The following HACE1 variants were observed in gnomAD, a reference collection of about 807,000 sequenced individuals.
HACE1 encodes E3 ubiquitin-protein ligase HACE1.
In HACE1, 73 loss-of-function variants were observed where a neutral mutation model predicts 118.4. The observed-to-expected ratio is 0.62, with a 90% CI of 0.51 to 0.75. The LOEUF (loss-of-function observed/expected upper bound fraction) is 0.75. HACE1 is among the 30% of genes least tolerant of loss of function. The probability of loss-of-function intolerance (pLI) is 0.00; values close to 1 mark genes in which losing one functional copy is unlikely to be tolerated. For synonymous variants in HACE1, 368 were observed against 374.8 expected (o/e 0.98, Z 0.21); for missense variants, 749 against 1,102.2 (o/e 0.68, Z 4.54).
intron 1 of HACE1, among the ~76,000 whole-genome samples, chr6:104,852,612 G>C (rs1776355409): frequency 6.6e-6 from 1 of 152,144 alleles, no homozygotes; most frequent in African/African-American, 2.4e-5. Flanking sequence ...GGATGTAAAA[G>C]GACAATTAAA....
intron 10 of HACE1, among the ~76,000 whole-genome samples, chr6:104,793,932 G>A (rs1783341030): frequency 6.6e-6 from 1 of 152,216 alleles, no homozygotes; most frequent in Non-Finnish European, 1.5e-5. Context: ...AGTGGTGAGA[G>A]AGCACAGTTT....
chr6:104,730,271 G>T, intron 23 of HACE1, 32 bp downstream of exon 23: 1 of 1,001,746 alleles, frequency 1.0e-6, no homozygotes, highest in Non-Finnish European at 1.6e-6. Flanking sequence ...AAAACAATTT[G>T]TAAAGCATTT....
intron 22 of HACE1, among the ~76,000 whole-genome samples, chr6:104,733,542 C>T (rs1160215342): frequency 6.6e-6 from 1 of 152,106 alleles, no homozygotes; most frequent in Non-Finnish European, 1.5e-5. Flanking sequence ...ACAAAAATGG[C>T]ATATTTCTAT....
chr6:104,826,220 T>C (rs1773314650), intron 6 of HACE1, among the ~76,000 whole-genome samples: 1 of 152,156 alleles, frequency 6.6e-6, no homozygotes, highest in Non-Finnish European at 1.5e-5. Flanking sequence ...TGGGCCCTAG[T>C]GCCAAAAAGG....
chr6:104,758,637 T>A (rs1019589124), intron 19 of HACE1, among the ~76,000 whole-genome samples: 1 of 152,094 alleles, frequency 6.6e-6, no homozygotes, highest in Non-Finnish European at 1.5e-5. Context: ...AGAAACTGCA[T>A]CAATAAATGG....
intron 20 of HACE1, among the ~76,000 whole-genome samples, chr6:104,745,185 C>A (rs908227449): frequency 3.3e-5 from 5 of 151,382 alleles, no homozygotes; most frequent in South Asian, 2.1e-4. Flanking sequence ...TCTCCAAAGT[C>A]AAAAAAAATG....
At chr6:104,841,106 G>A (rs1562489968) in intron 5 of HACE1, among the ~76,000 whole-genome samples, 1 of 149,086 alleles carries the variant, frequency 6.7e-6, no homozygotes, top group Non-Finnish European at 1.5e-5. Context: ...GGGCAACAGT[G>A]AGACTCTGTC....
At chr6:104,764,829 C>T (rs1779794834) in intron 19 of HACE1, among the ~76,000 whole-genome samples, 1 of 152,208 alleles carries the variant, frequency 6.6e-6, no homozygotes, top group Non-Finnish European at 1.5e-5. Flanking sequence ...TTTCACTTGA[C>T]ATACAGAATC....
At chr6:104,824,417 A>G (rs992627380) in intron 6 of HACE1, among the ~76,000 whole-genome samples, 1 of 152,230 alleles carries the variant, frequency 6.6e-6, no homozygotes, top group Admixed American at 6.5e-5. Context: ...ACATTCTTCC[A>G]AAGTGCTACA....
intron 11 of HACE1, 50 bp from the exon 12 acceptor site, chr6:104,785,369 T>TAAAAAAA: frequency 2.7e-6 from 2 of 743,258 alleles, no homozygotes; most frequent in Non-Finnish European, 4.3e-6. Context: ...ACTACAGGAT[T>TAAAAAAA]AAAAAAAAAA....
At chr6:104,847,786 G>A (rs772094294) in intron 4 of HACE1, among the ~76,000 whole-genome samples, 4 of 151,998 alleles carry the variant, frequency 2.6e-5, no homozygotes, top group East Asian at 3.9e-4. Flanking sequence ...TTTGTATACC[G>A]TGTCCATAGA....
At position 104,849,142 on chromosome 6, in the gene HACE1, C is replaced by A; in HGVS notation, c.326G>T (p.Gly109Val). Reference sequence around the variant, plus strand: ...CCACTTAAGAAAACTAAATAGTTACCCATTTCTTGCTGCCAAATGAAGGGG... The same window carrying A: ...CCACTTAAGAAAACTAAATAGTTACACATTTCTTGCTGCCAAATGAAGGGG... ...CTPLHLAARN[G>V]QKKCMSKLLE... The change falls in exon 4 of 24, where the codon GGG (glycine) becomes GTG (valine). Residue 109 changes from glycine (G) to valine (V), a missense_variant and splice_region_variant. By Grantham distance (109) the Gly-to-Val change is moderately radical (BLOSUM62 -3). Coordinates refer to ENST00000262903, the MANE Select transcript of HACE1 (RefSeq NM_020771.4). 1 of 1,531,540 alleles carries A rather than the reference C, an allele frequency of 6.5e-7. No homozygotes were observed. Among genetic ancestry groups the A allele is most frequent in the Middle Eastern group, 1.7e-4 (1 of 5,906 alleles). 94.9% of individuals were successfully genotyped at this position (1,531,540 alleles called of 1,614,324 possible).
intron 10 of HACE1, among the ~76,000 whole-genome samples, chr6:104,794,912 AT>A (rs1253403549): frequency 7.0e-4 from 106 of 152,190 alleles, no homozygotes; most frequent in East Asian, 5.2e-3. Context: ...AAAAAAAAAA[AT>A]AATTGTATAT....
intron 22 of HACE1, among the ~76,000 whole-genome samples, chr6:104,737,941 G>C (rs1253480544): frequency 6.6e-6 from 1 of 152,206 alleles, no homozygotes; most frequent in Non-Finnish European, 1.5e-5. Flanking sequence ...TCACAGCTTT[G>C]AGGAGAGCAG....
rs1201804004 is a variant in HACE1 at position 104,859,915 on chromosome 6, C to T, written c.-273G>A. On this transcript the variant is annotated 5_prime_UTR_variant, in exon 1 of 24. Transcript: ENST00000262903. ...CGCGTCCCTCCCGGGCTCGCGTGGCCTTCTGGGAACTGTAGTTTCCAGCTG... is the reference window on the plus strand; with the variant it reads ...CGCGTCCCTCCCGGGCTCGCGTGGCTTTCTGGGAACTGTAGTTTCCAGCTG... 1.8e-5 allele frequency: 8 copies of T among 437,470 alleles called. No individual in the cohort carries two copies. Among genetic ancestry groups the T allele is most frequent in the South Asian group, 5.7e-5 (2 of 35,278 alleles). The allele number at this position is 437,470 out of a possible 1,614,324, so 27.1% of individuals were successfully genotyped here.
At chr6:104,739,628 A>G (rs1395990312) in intron 22 of HACE1, among the ~76,000 whole-genome samples, 3 of 152,046 alleles carry the variant, frequency 2.0e-5, no homozygotes, top group Non-Finnish European at 4.4e-5. Context: ...TATCCTAAAT[A>G]TATATGCACC....
chr6:104,806,255 C>T (rs893715623), intron 7 of HACE1, among the ~76,000 whole-genome samples: 1 of 151,954 alleles, frequency 6.6e-6, no homozygotes, highest in African/African-American at 2.4e-5. Context: ...TGAGGCCAGG[C>T]GTTGAAGACC....
chr6:104,777,204 A>C lies in HACE1; in HGVS notation c.1678+2T>G. 6.2e-7 allele frequency: 1 copy of C among 1,601,924 alleles called. No homozygotes were observed. The highest frequency in any genetic ancestry group is 8.6e-7 in the Non-Finnish European group (1 of 1,168,874). ...ATATATCAGTTTCTTTGTTAAGCAT[A>C]CCTCTGTGAACCAGCAGGATATCAT... is the stretch of plus-strand genomic sequence containing the variant. On this transcript the variant is annotated splice_donor_variant, in intron 15 of 23. Coordinates refer to ENST00000262903, the MANE Select transcript of HACE1 (RefSeq NM_020771.4). LOFTEE classifies it high-confidence loss of function.
intron 22 of HACE1, among the ~76,000 whole-genome samples, chr6:104,739,400 G>A (rs1329599519): frequency 1.3e-5 from 2 of 152,140 alleles, no homozygotes; most frequent in Non-Finnish European, 2.9e-5. Flanking sequence ...AGACCCATCA[G>A]TGTGCTGTAT....
Sources: allele counts gnomAD v4.1 joint callset (sites outside exome capture counted in the v4.1 genomes callset), GRCh38; gene constraint gnomAD v4.1.1; transcripts MANE v1.5; gene names NCBI Gene and HGNC (gene_info 2026-07-23, HGNC 2026-07-21).